CHD1: variants seen among roughly 807,000 people sequenced by gnomAD.
CHD1 encodes the protein ATP-dependent chromatin remodeler CHD1.
In CHD1, 36 loss-of-function variants were observed where a neutral mutation model predicts 224.2. The ratio of observed to expected loss-of-function variants is 0.16; its 90% CI spans 0.12 to 0.21. The LOEUF is 0.21. Among genes scored for constraint, CHD1 ranks in the 10% least tolerant of loss-of-function variants. The pLI, the probability that CHD1 is intolerant of heterozygous loss-of-function variation, is 1.00. For missense variants in CHD1, 1,378 were observed against 1,994.8 expected (o/e 0.69, Z 5.89); for synonymous variants, 668 against 658.3 (o/e 1.01, Z -0.23).
At chr5:98,880,168 A>G (rs1750065613) in intron 22 of CHD1, among the ~76,000 whole-genome samples, 1 of 152,192 alleles carries the variant, frequency 6.6e-6, no homozygotes, top group South Asian at 2.1e-4. Flanking sequence ...GAGCACACTA[A>G]TTTCTGTGAG....
In CHD1 at chr5:98,854,408, T is replaced by G. The variant is rs1425451221; in HGVS notation, c.*1972A>C. ...AATTAAAAAATGCCAGCCACCATCT[T>G]ATGACTTAAGCATTATGAATTAGTC... On this transcript the variant is annotated 3_prime_UTR_variant, in exon 36 of 36. Transcript: ENST00000614616. 2 of 152,110 alleles carry G rather than the reference T, an allele frequency of 1.3e-5. No individual in the cohort carries two copies. Among genetic ancestry groups the G allele is most frequent in the Non-Finnish European group, 2.9e-5 (2 of 67,964 alleles). 9.4% of individuals were successfully genotyped at this position (152,110 alleles called of 1,614,324 possible).
chr5:98,903,161 T>A (rs1424078877), intron 4 of CHD1, among the ~76,000 whole-genome samples, 197 bp from the exon 5 acceptor site: 1 of 152,160 alleles, frequency 6.6e-6, no homozygotes, highest in Non-Finnish European at 1.5e-5. Context: ...GCCAGTGAAA[T>A]TAAGTAAATA....
At chr5:98,912,767 C>A (rs1026188548) in intron 2 of CHD1, among the ~76,000 whole-genome samples, 1 of 152,124 alleles carries the variant, frequency 6.6e-6, no homozygotes, top group Non-Finnish European at 1.5e-5. Flanking sequence ...AGACTGTTTA[C>A]GTGTATTTAA....
At chr5:98,927,969 TTGCTTTGCTCC>T (rs1342143893) in intron 1 of CHD1, among the ~76,000 whole-genome samples, 1 of 152,150 alleles carries the variant, frequency 6.6e-6, no homozygotes, top group Non-Finnish European at 1.5e-5. Flanking sequence ...CTTTTAGCAG[TTGCTTTGCTCC>T]TGCTAAGTTT....
intron 18 of CHD1, among the ~76,000 whole-genome samples, chr5:98,884,588 A>G (rs1005217403): frequency 6.6e-6 from 1 of 152,140 alleles, no homozygotes; most frequent in African/African-American, 2.4e-5. Flanking sequence ...GTGCACCAAA[A>G]TCTCACAAAC....
At chr5:98,918,469 T>A (rs1752885421) in intron 2 of CHD1, among the ~76,000 whole-genome samples, 1 of 151,566 alleles carries the variant, frequency 6.6e-6, no homozygotes, top group South Asian at 2.1e-4. Flanking sequence ...GGACTATGAC[T>A]TCCATAAACA....
At chr5:98,904,618 T>C (rs1172980680) in intron 3 of CHD1, among the ~76,000 whole-genome samples, 7 of 152,170 alleles carry the variant, frequency 4.6e-5, no homozygotes, top group Non-Finnish European at 1.0e-4. Context: ...TATGACACAA[T>C]GGATATTTAT....
rs1249258978 is a variant in CHD1 at position 98,883,310 on chromosome 5, T to C, written c.2569-73A>G. ...CTGAACGTAAGCAGTATGGTACTAA[T>C]TAAACAGAAAGGCAGTTTTTAAAAC... On this transcript the variant is annotated intron_variant, in intron 18 of 35. Coordinates refer to ENST00000614616, the MANE Select transcript of CHD1 (RefSeq NM_001270.4). 5.0e-6 allele frequency: 5 copies of C among 997,066 alleles called. 1 individual carries two copies. Among genetic ancestry groups the C allele is most frequent in the African/African-American group, 4.9e-5 (3 of 60,656 alleles). The allele number at this position is 997,066 out of a possible 1,614,324, so 61.8% of individuals were successfully genotyped here. A position where few individuals can be genotyped will look rare whatever the true frequency, so the allele number is the denominator to read the frequency against.
At chr5:98,886,583 A>T (rs971072230) in intron 17 of CHD1, among the ~76,000 whole-genome samples, 1 of 152,188 alleles carries the variant, frequency 6.6e-6, no homozygotes, top group Admixed American at 6.5e-5. Context: ...TATTTTGGGA[A>T]GCCATATGCC....
chr5:98,923,746 A>G (rs1753262676), intron 2 of CHD1, among the ~76,000 whole-genome samples: 1 of 152,138 alleles, frequency 6.6e-6, no homozygotes, highest in African/African-American at 2.4e-5. Flanking sequence ...TGTAGTATCA[A>G]ATTGGACTTA....
In CHD1 at chr5:98,888,231, G is replaced by A. The variant is rs781480692; in HGVS notation, c.2353C>T (p.Arg785Cys). The A allele has an allele frequency of 6.2e-7, 1 of 1,605,948 alleles. No homozygotes were observed. ...NKQEALQHLI[R>C]SSGKLILLDK... ...AGAAGAATCAATTTTCCGCTACTAC[G>A]AATTAAGTGCTACAGAAACAATTCA... The change falls in exon 17 of 36, where the codon CGT (arginine) becomes TGT (cysteine). Residue 785 changes from arginine (R) to cysteine (C), a missense_variant. Physicochemically the swap from Arg to Cys is radical, Grantham distance 180. This residue lies in a region of CHD1 where 58 missense variants were observed against 90.0 expected (regional missense o/e 0.64). Coordinates refer to ENST00000614616, the MANE Select transcript of CHD1 (RefSeq NM_001270.4).
At chr5:98,897,045 T>C (rs1290942280) in intron 11 of CHD1, 148 bp downstream of exon 11, 2 of 681,932 alleles carry the variant, frequency 2.9e-6, no homozygotes, top group Admixed American at 3.3e-5. Flanking sequence ...ATGTAGTAAG[T>C]ATTGTTTATA....
intron 33 of CHD1, 49 bp downstream of exon 33, chr5:98,859,923 A>C (rs752984481): frequency 7.4e-6 from 7 of 949,434 alleles, no homozygotes. Flanking sequence ...AGAATGTCTC[A>C]AGGTTTTAAT....
At chr5:98,882,965 C>A in intron 19 of CHD1, 123 bp downstream of exon 19, 3 of 577,838 alleles carry the variant, frequency 5.2e-6, no homozygotes, top group South Asian at 6.5e-5. Flanking sequence ...AGTATCCTAT[C>A]GGTTAAACAG....
Position 98,856,343 on chromosome 5 carries a change from A to G in CHD1, c.*37T>C, listed in dbSNP as rs1748019675. 6.6e-7 allele frequency: 1 copy of G among 1,516,240 alleles called. No individual in the cohort carries two copies. The highest frequency in any genetic ancestry group is 9.1e-7 in the Non-Finnish European group (1 of 1,097,470). 93.9% of individuals were successfully genotyped at this position (1,516,240 alleles called of 1,614,324 possible). A position where few individuals can be genotyped will look rare whatever the true frequency, so the allele number is the denominator to read the frequency against. ...CTGTGTTGGTTTATGATATATGGCTAAAAGAAAAGTCCAGAAAGACGAAGT... is the reference window on the plus strand; with the variant it reads ...CTGTGTTGGTTTATGATATATGGCTGAAAGAAAAGTCCAGAAAGACGAAGT... On this transcript the variant is annotated 3_prime_UTR_variant, in exon 36 of 36. Coordinates refer to ENST00000614616, the MANE Select transcript of CHD1 (RefSeq NM_001270.4).
At chr5:98,924,240 G>A (rs1753299694) in intron 2 of CHD1, among the ~76,000 whole-genome samples, 1 of 152,028 alleles carries the variant, frequency 6.6e-6, no homozygotes, top group South Asian at 2.1e-4. Flanking sequence ...GACAGAGTGA[G>A]GCCCTGTCTC....
chr5:98,909,395 C>A (rs1354097084), intron 2 of CHD1, among the ~76,000 whole-genome samples: 1 of 152,106 alleles, frequency 6.6e-6, no homozygotes, highest in Admixed American at 6.5e-5. Flanking sequence ...GGACTTCTAC[C>A]AGATGGCATT....
intron 18 of CHD1, chr5:98,883,824 T>TAA (rs759614085): frequency 3.8e-5 from 4 of 105,220 alleles, no homozygotes; most frequent in African/African-American, 1.3e-4. Context: ...GATTGGAGAC[T>TAA]AAATATATAT....
intron 17 of CHD1, 27 bp downstream of exon 17, chr5:98,888,061 A>T: frequency 1.4e-6 from 2 of 1,454,788 alleles, no homozygotes; most frequent in African/African-American, 1.4e-5. Flanking sequence ...ATAAAATTTA[A>T]AACAACAAAT....
Sources: allele counts gnomAD v4.1 joint callset (sites outside exome capture counted in the v4.1 genomes callset), GRCh38; gene constraint gnomAD v4.1.1; regional missense constraint gnomAD v4.1.1; transcripts MANE v1.5; gene names NCBI Gene and HGNC (gene_info 2026-07-23, HGNC 2026-07-21).